CNTN5: variants seen among roughly 807,000 people sequenced by gnomAD.
CNTN5 encodes the protein contactin-5.
Under a neutral mutation model 129.1 loss-of-function variants are expected in CNTN5, and 77 were observed. The ratio of observed to expected loss-of-function variants is 0.60; its 90% confidence interval spans 0.50 to 0.72. CNTN5 has a LOEUF of 0.72. CNTN5 is among the 30% of genes least tolerant of loss of function. CNTN5 has a pLI of 0.00. For synonymous variants in CNTN5, 509 were observed against 465.6 expected (o/e 1.09, Z -1.20); for missense variants, 1,478 against 1,328.8 (o/e 1.11, Z -1.75).
At chr11:99,641,400 T>A (rs1460230718) in intron 3 of CNTN5, among the ~76,000 whole-genome samples, 1 of 102,854 alleles carries the variant, frequency 9.7e-6, no homozygotes, top group Non-Finnish European at 2.4e-5. Context: ...AAACTGTGAA[T>A]TGGTTCCAAT....
intron 1 of CNTN5, among the ~76,000 whole-genome samples, chr11:99,213,822 C>G (rs1859965582): frequency 6.6e-6 from 1 of 151,996 alleles, no homozygotes; most frequent in Admixed American, 6.6e-5. Flanking sequence ...AAATATGAGG[C>G]AGAGATCTAT....
At chr11:99,216,588 C>A (rs898782) in intron 1 of CNTN5, among the ~76,000 whole-genome samples, 115,634 of 151,770 alleles carry the variant, frequency 0.76, 44,319 homozygotes, top group East Asian at 0.97. Flanking sequence ...TGGATAATAT[C>A]TTTAACTAGC....
At chr11:100,010,668 A>T (rs1463889779) in intron 9 of CNTN5, among the ~76,000 whole-genome samples, 1 of 152,106 alleles carries the variant, frequency 6.6e-6, no homozygotes, top group Admixed American at 6.6e-5. Context: ...AGCCTAGTAG[A>T]GGATGGAGCT....
At chr11:99,645,274 A>C (rs991494411) in intron 3 of CNTN5, among the ~76,000 whole-genome samples, 9 of 150,218 alleles carry the variant, frequency 6.0e-5, no homozygotes, top group African/African-American at 2.2e-4. Flanking sequence ...AAAAAAAAAA[A>C]AAAAAAAAAA....
chr11:99,872,648 C>T (rs1591344707), intron 6 of CNTN5, among the ~76,000 whole-genome samples: 1 of 152,068 alleles, frequency 6.6e-6, no homozygotes, highest in African/African-American at 2.4e-5. Flanking sequence ...TTCCTAGAAG[C>T]CGGACTTTCT....
chr11:99,432,442 T>TTTC (rs754803431), intron 2 of CNTN5, among the ~76,000 whole-genome samples: 2 of 142,108 alleles, frequency 1.4e-5, no homozygotes, highest in South Asian at 4.5e-4. Flanking sequence ...TTTCTTTCCT[T>TTTC]TTCTTTTCTT....
intron 7 of CNTN5, 48 bp downstream of exon 7, chr11:99,916,197 A>G (rs750139842): frequency 9.0e-6 from 13 of 1,445,362 alleles, no homozygotes; most frequent in South Asian, 8.3e-5. Flanking sequence ...CTCTTTTGCT[A>G]TGTGTTCATT....
intron 2 of CNTN5, among the ~76,000 whole-genome samples, chr11:99,443,256 C>G (rs1943914735): frequency 6.6e-6 from 1 of 152,156 alleles, no homozygotes; most frequent in Non-Finnish European, 1.5e-5. Context: ...GATCCTAAAA[C>G]AGGTGGATCT....
At chr11:100,293,613 C>T (rs756730328) in intron 18 of CNTN5, among the ~76,000 whole-genome samples, 16 of 151,362 alleles carry the variant, frequency 1.1e-4, no homozygotes, top group Non-Finnish European at 2.2e-4. Context: ...ATGAAAATAA[C>T]CTTAAGAAAC....
intron 1 of CNTN5, among the ~76,000 whole-genome samples, chr11:99,051,067 G>A (rs11218223): frequency 0.19 from 28,639 of 151,648 alleles, 2,820 homozygotes; most frequent in East Asian, 0.33. Context: ...AATTAACATG[G>A]CCAAATTACT....
intron 8 of CNTN5, among the ~76,000 whole-genome samples, chr11:99,968,927 TTTTA>T (rs936932338): frequency 6.6e-6 from 1 of 151,972 alleles, no homozygotes; most frequent in Non-Finnish European, 1.5e-5. Flanking sequence ...TTTGTTAATC[TTTTA>T]TTTATTTTTC....
rs7932919 is a variant in CNTN5, at chr11:99,826,206, C to G, written c.277+6441C>G. ...ATGTTGTAATTTTTGGTTTTCTTTG[C>G]AAGTACATGTGGAAAGGAAGTATTT... On this transcript the variant is annotated intron_variant, in intron 4 of 24. Transcript: ENST00000524871. Among the ~76,000 whole-genome samples the G allele has an allele frequency of 1.2e-3, 184 of 152,072 alleles. 1 individual carries two copies. The highest frequency in any genetic ancestry group is 4.1e-3 in the African/African-American group (171 of 41,468).
chr11:99,878,431 G>T (rs959906966), intron 6 of CNTN5, among the ~76,000 whole-genome samples: 1 of 152,098 alleles, frequency 6.6e-6, no homozygotes, highest in African/African-American at 2.4e-5. Context: ...TTCAAATTCT[G>T]AACAACAGTG....
At chr11:99,869,140 T>C (rs1353298427) in intron 6 of CNTN5, among the ~76,000 whole-genome samples, 1 of 152,192 alleles carries the variant, frequency 6.6e-6, no homozygotes, top group Admixed American at 6.5e-5. Flanking sequence ...CAGATAACTT[T>C]AAAAGGATCA....
chr11:99,557,645 C>A (rs1005303291), intron 3 of CNTN5, among the ~76,000 whole-genome samples: 11 of 151,424 alleles, frequency 7.3e-5, no homozygotes, highest in African/African-American at 2.7e-4. Flanking sequence ...TATTCTTTAG[C>A]CTTTATACTA....
At chr11:99,144,550 A>G (rs7103706) in intron 1 of CNTN5, among the ~76,000 whole-genome samples, 2,840 of 152,114 alleles carry the variant, frequency 0.019, 94 homozygotes, top group African/African-American at 0.066. Context: ...TCCTCCTGGA[A>G]CTCCCAGAAT....
At chr11:99,940,709 G>A (rs1234774492) in intron 7 of CNTN5, among the ~76,000 whole-genome samples, 1 of 152,074 alleles carries the variant, frequency 6.6e-6, no homozygotes, top group African/African-American at 2.4e-5. Context: ...TCTTAGCTGA[G>A]AACTTCATTA....
intron 3 of CNTN5, among the ~76,000 whole-genome samples, chr11:99,769,948 G>A (rs533436276): frequency 2.6e-5 from 4 of 152,246 alleles, no homozygotes; most frequent in African/African-American, 7.2e-5. Context: ...AGTCTGGAAT[G>A]TATGTAAGTT....
chr11:99,499,773 T>C (rs1331378842), intron 2 of CNTN5, among the ~76,000 whole-genome samples: 1 of 152,246 alleles, frequency 6.6e-6, no homozygotes, highest in Non-Finnish European at 1.5e-5. Context: ...TTATAATGTT[T>C]AATCAATTGA....
Sources: gnomAD v4.1 joint callset for allele counts (sites outside exome capture counted in the v4.1 genomes callset) on GRCh38, gnomAD v4.1.1 for gene constraint, MANE v1.5 for transcripts, NCBI Gene and HGNC (gene_info 2026-07-23, HGNC 2026-07-21) for gene names.